ELMO1: variants seen among roughly 807,000 people sequenced by gnomAD.
ELMO1 encodes the protein engulfment and cell motility protein 1.
Under a neutral mutation model 98.9 loss-of-function variants are expected in ELMO1, and 26 were observed. The observed-to-expected ratio is 0.26, with a 90% CI of 0.19 to 0.36. The LOEUF is 0.36. ELMO1 is among the 10% of genes least tolerant of loss of function. The pLI, the probability that ELMO1 is intolerant of heterozygous loss-of-function variation, is 1.00. For synonymous variants in ELMO1, 346 were observed against 346.0 expected, an observed-to-expected ratio of 1.00 and a Z score of 0.00; for missense variants, 627 against 935.2, an observed-to-expected ratio of 0.67 and a Z score of 4.30.
At chr7:37,297,394 A>C (rs1269395262) in intron 4 of ELMO1, among the ~76,000 whole-genome samples, 2 of 152,208 alleles carry the variant, frequency 1.3e-5, no homozygotes, top group African/African-American at 2.4e-5. Flanking sequence ...TAAAACTCCC[A>C]AATGTCTAAG....
rs561543888 is a variant in ELMO1, at chr7:37,383,317, C to G, written c.-73-40554G>C. ...ATGACGCTGACATTTTTTAAGAGTA[C>G]AGAAAAAATCACAAAAGTTTATCTA... On this transcript the variant is annotated intron_variant, in intron 1 of 21. Coordinates refer to ENST00000310758, the MANE Select transcript of ELMO1 (RefSeq NM_014800.11). Among the ~76,000 whole-genome samples the G allele has an allele frequency of 3.9e-5, 6 of 152,142 alleles. No individual in the cohort carries two copies. In the South Asian group the frequency reaches 1.2e-3, roughly 32 times the overall value.
intron 1 of ELMO1, among the ~76,000 whole-genome samples, chr7:37,426,142 CTTTTTTTTTTT>C (rs36086006): frequency 2.4e-5 from 2 of 84,582 alleles, no homozygotes; most frequent in East Asian, 3.8e-4. Context: ...TTTTTTCTTT[CTTTTTTTTTTT>C]TTTTTTTTTT....
intron 15 of ELMO1, among the ~76,000 whole-genome samples, chr7:37,024,603 C>A (rs771953325): frequency 2.2e-4 from 33 of 152,138 alleles, no homozygotes; most frequent in Admixed American, 5.2e-4. Context: ...CTCCCTCTGC[C>A]ACTTAACTGT....
intron 15 of ELMO1, among the ~76,000 whole-genome samples, chr7:37,069,051 C>T (rs1797132736): frequency 1.3e-5 from 2 of 152,152 alleles, no homozygotes; most frequent in Non-Finnish European, 2.9e-5. Context: ...AGGGTTCTAT[C>T]CTGACAGTAG....
At chr7:37,275,766 T>C (rs1348323595) in intron 4 of ELMO1, among the ~76,000 whole-genome samples, 2 of 152,222 alleles carry the variant, frequency 1.3e-5, no homozygotes, top group Non-Finnish European at 2.9e-5. Flanking sequence ...AAAGGAGATA[T>C]GTAGAACTAC....
intron 1 of ELMO1, among the ~76,000 whole-genome samples, chr7:37,379,365 C>T (rs1411981969): frequency 6.6e-6 from 1 of 152,106 alleles, no homozygotes; most frequent in African/African-American, 2.4e-5. Context: ...TTCTTCATTA[C>T]TTTTCAGCCA....
At chr7:37,234,957 C>G (rs1044073955) in intron 7 of ELMO1, among the ~76,000 whole-genome samples, 4 of 152,202 alleles carry the variant, frequency 2.6e-5, no homozygotes, top group African/African-American at 9.7e-5. Context: ...CCAAACCATT[C>G]AGACCAGATA....
rs140571165 is a variant in ELMO1 at position 36,960,577 on chromosome 7, T to C, written c.1437+52722A>G. On this transcript the variant is annotated intron_variant, in intron 16 of 21. Transcript: ENST00000310758. ...TTGGAGAAACAACCTTCAGCAAGCA[T>C]GACTGAAGAAGCAGCCCCCCATCCC... Among the ~76,000 whole-genome samples, 648 of 152,234 alleles carry C rather than the reference T, an allele frequency of 4.3e-3. 11 individuals carry two copies. The highest frequency in any genetic ancestry group is 0.015 in the African/African-American group (617 of 41,530).
At chr7:37,351,147 T>A (rs1048213882) in intron 1 of ELMO1, 2 of 152,204 alleles carry the variant, frequency 1.3e-5, no homozygotes, top group Non-Finnish European at 2.9e-5. Context: ...GAGACAGTGC[T>A]CGCTTCAGCA....
At chr7:37,361,822 G>A (rs528462129) in intron 1 of ELMO1, among the ~76,000 whole-genome samples, 11 of 152,234 alleles carry the variant, frequency 7.2e-5, no homozygotes, top group South Asian at 2.1e-4. Flanking sequence ...TTAACCAGGC[G>A]TGGTAGCACG....
chr7:37,442,104 A>G (rs1805436070), intron 1 of ELMO1, among the ~76,000 whole-genome samples: 1 of 152,206 alleles, frequency 6.6e-6, no homozygotes. Context: ...GGGTTGTCAC[A>G]AACGACTAAT....
chr7:37,338,593 G>A (rs577404906), intron 2 of ELMO1, among the ~76,000 whole-genome samples: 1 of 152,220 alleles, frequency 6.6e-6, no homozygotes, highest in South Asian at 2.1e-4. Flanking sequence ...AATGTCCTTG[G>A]AGCCCACTGC....
At chr7:37,323,006 G>C (rs537479477) in intron 2 of ELMO1, among the ~76,000 whole-genome samples, 1 of 152,276 alleles carries the variant, frequency 6.6e-6, no homozygotes, top group African/African-American at 2.4e-5. Context: ...GGATTAGGCA[G>C]TTACCACATT....
At chr7:37,156,787 A>G (rs1296335915) in intron 13 of ELMO1, among the ~76,000 whole-genome samples, 1 of 152,242 alleles carries the variant, frequency 6.6e-6, no homozygotes, top group South Asian at 2.1e-4. Context: ...AATCAATAGA[A>G]AAACAGGGAA....
chr7:37,392,280 G>A (rs1803113210), intron 1 of ELMO1, among the ~76,000 whole-genome samples: 1 of 152,186 alleles, frequency 6.6e-6, no homozygotes, highest in Non-Finnish European at 1.5e-5. Context: ...GGTCTCTGAG[G>A]CAGTACAGGG....
At chr7:37,253,731 A>AC (rs529341126) in intron 6 of ELMO1, among the ~76,000 whole-genome samples, 51 of 151,908 alleles carry the variant, frequency 3.4e-4, no homozygotes, top group African/African-American at 1.1e-3. Flanking sequence ...AAAAAAAAAA[A>AC]AAAAACAAAA....
chr7:37,284,416 G>A (rs1399985315), intron 4 of ELMO1, among the ~76,000 whole-genome samples: 1 of 152,192 alleles, frequency 6.6e-6, no homozygotes, highest in Non-Finnish European at 1.5e-5. Flanking sequence ...TCAGAAGACT[G>A]AGCGAGGTGA....
intron 1 of ELMO1, chr7:37,351,200 G>A (rs1801251873): frequency 6.6e-6 from 1 of 152,186 alleles, no homozygotes; most frequent in South Asian, 2.1e-4. Context: ...AGATTAGCAT[G>A]ACCCATGTGT....
At chr7:37,148,715 A>T (rs994734167) in intron 13 of ELMO1, among the ~76,000 whole-genome samples, 1 of 152,212 alleles carries the variant, frequency 6.6e-6, no homozygotes, top group East Asian at 1.9e-4. Flanking sequence ...TACTCAGCTG[A>T]GTGCATGGGG....
Sources: gnomAD v4.1 joint callset for allele counts (sites outside exome capture counted in the v4.1 genomes callset) on GRCh38, gnomAD v4.1.1 for gene constraint, MANE v1.5 for transcripts, NCBI Gene and HGNC (gene_info 2026-07-23, HGNC 2026-07-21) for gene names.